PRKAR1B: variants seen among roughly 807,000 people sequenced by gnomAD.
PRKAR1B encodes the protein protein kinase cAMP-dependent type I regulatory subunit beta.
A neutral mutation model predicts 46.5 loss-of-function variants in PRKAR1B; 22 were observed. That is an observed-to-expected ratio of 0.47 (90% confidence interval 0.34 to 0.68). The LOEUF (loss-of-function observed/expected upper bound fraction) is 0.68, where lower values mean the gene tolerates loss of function less well. Ranked by LOEUF, PRKAR1B falls within the 30% of genes least tolerant of loss-of-function variation. The probability of loss-of-function intolerance (pLI) is 0.01; values close to 1 mark genes in which losing one functional copy is unlikely to be tolerated. For missense variants in PRKAR1B, 445 were observed against 535.6 expected (o/e 0.83, Z 1.67); for synonymous variants, 259 against 217.7 (o/e 1.19, Z -1.67).
At chr7:705,074 C>G (rs1780250261) in intron 2 of PRKAR1B, among the ~76,000 whole-genome samples, 1 of 151,814 alleles carries the variant, frequency 6.6e-6, no homozygotes, top group Non-Finnish European at 1.5e-5. Context: ...GGTGGAGCAT[C>G]TGAGGTCAGG....
At chr7:556,499 G>A (rs71536289) in intron 9 of PRKAR1B, among the ~76,000 whole-genome samples, 51,587 of 152,138 alleles carry the variant, frequency 0.34, 8,921 homozygotes, top group East Asian at 0.42. Flanking sequence ...TCAATAACGC[G>A]GAACAGTCTT....
intron 7 of PRKAR1B, among the ~76,000 whole-genome samples, chr7:591,127 G>A (rs1005172522): frequency 4.6e-5 from 7 of 152,288 alleles, no homozygotes; most frequent in Admixed American, 3.9e-4. Flanking sequence ...TCGTGCACCC[G>A]TCCATCTCTC....
In PRKAR1B at chr7:553,412, G is replaced by A. The variant is rs1341779505; in HGVS notation, c.892-1942C>T. On this transcript the variant is annotated intron_variant, in intron 9 of 10. Coordinates refer to ENST00000537384, the MANE Select transcript of PRKAR1B (RefSeq NM_001164760.2). ...CCCTAGTCCCCGGAGGCAGGGCCCC[G>A]CGTCTGCCGCAGAAGTGCAGCACCT... is the stretch of plus-strand genomic sequence containing the variant. 3.9e-5 allele frequency among the ~76,000 whole-genome samples: 6 copies of A among 152,208 alleles called. No homozygotes were observed. In the South Asian group the frequency reaches 6.2e-4, roughly 16 times the overall value.
intron 9 of PRKAR1B, among the ~76,000 whole-genome samples, chr7:553,169 C>T (rs537401782): frequency 7.2e-5 from 11 of 152,336 alleles, no homozygotes; most frequent in Non-Finnish European, 1.0e-4. Flanking sequence ...CTCCGCCTGC[C>T]GGGAACCTAG....
chr7:583,666 A>C (rs1780416727), intron 8 of PRKAR1B, among the ~76,000 whole-genome samples: 1 of 126,478 alleles, frequency 7.9e-6, no homozygotes, highest in Non-Finnish European at 1.6e-5. Flanking sequence ...ATGCGCACAC[A>C]CCCACACACA....
rs1248366199 is a variant in PRKAR1B at position 549,906 on chromosome 7, C to T, written c.*524G>A. 3.2e-5 allele frequency: 5 copies of T among 155,374 alleles called. No individual in the cohort carries two copies. The South Asian group carries it at 7.9e-4, about 24-fold the overall frequency. 9.6% of individuals were successfully genotyped at this position (155,374 alleles called of 1,614,324 possible). A position where few individuals can be genotyped will look rare whatever the true frequency, so the allele number is the denominator to read the frequency against. On this transcript the variant is annotated 3_prime_UTR_variant, in exon 11 of 11. Transcript: ENST00000537384. ...GGGGGTGCGGCGGGGTGCAGTGGCG[C>T]GGGCAGGGGTACACATTTGCGGGAG...
chr7:680,477 G>T (rs1481252303), intron 3 of PRKAR1B, 79 bp downstream of exon 3: 3 of 1,397,398 alleles, frequency 2.1e-6, no homozygotes, highest in East Asian at 5.1e-5. Context: ...AGGGTGCCCC[G>T]TGGGCTTCCA....
At chr7:562,409 G>A (rs923907513) in intron 9 of PRKAR1B, among the ~76,000 whole-genome samples, 5 of 152,130 alleles carry the variant, frequency 3.3e-5, no homozygotes, top group Admixed American at 3.3e-4. Context: ...CTCCTCGTCT[G>A]CCCCCATTAG....
In PRKAR1B at chr7:637,902, G is replaced by A. The variant is rs114320159; in HGVS notation, c.441-30450C>T. ...AAACAGGCAGCACAGAGCTTGTGTT[G>A]GACAATGAGAACCCTGCATGGGGGG... is the stretch of plus-strand genomic sequence containing the variant. On this transcript the variant is annotated intron_variant, in intron 4 of 10. Coordinates refer to ENST00000537384, the MANE Select transcript of PRKAR1B (RefSeq NM_001164760.2). 6.4e-3 allele frequency among the ~76,000 whole-genome samples: 962 copies of A among 150,340 alleles called. 11 individuals carry two copies. The highest frequency in any genetic ancestry group is 0.022 in the African/African-American group (908 of 40,468).
intron 2 of PRKAR1B, chr7:691,797 G>A (rs1779443375): frequency 8.4e-7 from 1 of 1,189,568 alleles, no homozygotes; most frequent in Non-Finnish European, 1.1e-6. Flanking sequence ...CTCCTGCGGA[G>A]GACGGCGCAT....
Position 584,048 on chromosome 7 carries a change from T to C in PRKAR1B, c.769+460A>G, listed in dbSNP as rs1350386087. 2.0e-5 allele frequency among the ~76,000 whole-genome samples: 3 copies of C among 152,108 alleles called. No homozygotes were observed. In the East Asian group the frequency reaches 5.8e-4, roughly 29 times the overall value. ...TCCTTCCCGGAACTGAGAGCAATGA[T>C]GGCGGCGTAGAAAGGGCAGAGGCGG... On this transcript the variant is annotated intron_variant, in intron 8 of 10. Coordinates refer to ENST00000537384, the MANE Select transcript of PRKAR1B (RefSeq NM_001164760.2).
At chr7:594,686 C>A (rs1781167550) in intron 7 of PRKAR1B, among the ~76,000 whole-genome samples, 1 of 152,000 alleles carries the variant, frequency 6.6e-6, no homozygotes, top group South Asian at 2.1e-4. Context: ...CACAAGGGGA[C>A]CCCAAGACCA....
chr7:564,173 C>T (rs1315449782), intron 9 of PRKAR1B, among the ~76,000 whole-genome samples: 1 of 152,156 alleles, frequency 6.6e-6, no homozygotes, highest in African/African-American at 2.4e-5. Context: ...CCCAGTGGGC[C>T]CCTCCGGGTC....
chr7:656,731 G>T (rs1052307747), intron 4 of PRKAR1B, among the ~76,000 whole-genome samples: 1 of 152,210 alleles, frequency 6.6e-6, no homozygotes, highest in Non-Finnish European at 1.5e-5. Flanking sequence ...GTGGATGGAT[G>T]TGTAAATGCA....
Position 692,267 on chromosome 7 carries a change from G to A in PRKAR1B, c.178-11541C>T, listed in dbSNP as rs553714255. ...ATACAAAAATTAGCCACATGTGGTG[G>A]CGCACGCCTGTAATCCCAGCTACTT... On this transcript the variant is annotated intron_variant, in intron 2 of 10. Coordinates refer to ENST00000537384, the MANE Select transcript of PRKAR1B (RefSeq NM_001164760.2). Among the ~76,000 whole-genome samples, 39 of 152,340 alleles carry A rather than the reference G, an allele frequency of 2.6e-4. No homozygotes were observed. In the South Asian group the frequency reaches 4.1e-3, roughly 16 times the overall value.
chr7:711,620 G>T, intron 1 of PRKAR1B, 93 bp from the exon 2 acceptor site: 1 of 1,137,986 alleles, frequency 8.8e-7, no homozygotes, highest in Non-Finnish European at 1.2e-6. Flanking sequence ...CTTCTCCCAG[G>T]AGCGTGGAAG....
chr7:588,364 A>T (rs572968044), intron 7 of PRKAR1B, among the ~76,000 whole-genome samples: 2 of 152,336 alleles, frequency 1.3e-5, no homozygotes, highest in Admixed American at 6.5e-5. Flanking sequence ...TCACTGGGTC[A>T]TTATGAGAAC....
chr7:579,510 C>T, intron 8 of PRKAR1B, 133 bp from the exon 9 acceptor site: 1 of 1,203,504 alleles, frequency 8.3e-7, no homozygotes, highest in African/African-American at 1.5e-5. Flanking sequence ...GACCAGTAAG[C>T]TGCATAAGAT....
intron 4 of PRKAR1B, among the ~76,000 whole-genome samples, chr7:636,014 A>G (rs986475758): frequency 3.4e-4 from 19 of 55,556 alleles, no homozygotes; most frequent in African/African-American, 1.0e-3. Flanking sequence ...CCGCGCCCTC[A>G]CGTCCTCCAC....
Sources: gnomAD v4.1 joint callset for allele counts (sites outside exome capture counted in the v4.1 genomes callset) on GRCh38, gnomAD v4.1.1 for gene constraint, MANE v1.5 for transcripts, NCBI Gene and HGNC (gene_info 2026-07-23, HGNC 2026-07-21) for gene names.